The following MARCO variants were observed in gnomAD, a reference collection of about 807,000 sequenced individuals.
MARCO encodes macrophage receptor MARCO.
A neutral mutation model predicts 70.0 loss-of-function variants in MARCO; 72 were observed. The ratio of observed to expected loss-of-function variants is 1.03; its 90% CI spans 0.85 to 1.25. The LOEUF is 1.25. MARCO is among the 50% of genes most tolerant of loss of function. The probability of loss-of-function intolerance (pLI) is 0.00; values close to 1 mark genes in which losing one functional copy is unlikely to be tolerated. For missense variants in MARCO, 696 were observed against 659.3 expected, an observed-to-expected ratio of 1.06 and a Z score of -0.61; for synonymous variants, 273 against 243.1, an observed-to-expected ratio of 1.12 and a Z score of -1.14.
chr2:118,978,215 C>CCTG (rs1490404734), intron 8 of MARCO, among the ~76,000 whole-genome samples: 1 of 152,130 alleles, frequency 6.6e-6, no homozygotes, highest in Non-Finnish European at 1.5e-5. Context: ...GGAGAGTGGG[C>CCTG]CTGCACTGGG....
intron 12 of MARCO, among the ~76,000 whole-genome samples, chr2:118,987,342 T>C (rs962460136): frequency 2.6e-5 from 4 of 152,208 alleles, no homozygotes; most frequent in African/African-American, 9.6e-5. Flanking sequence ...CCTATCAGGA[T>C]GCTGCCTTGA....
intron 1 of MARCO, among the ~76,000 whole-genome samples, chr2:118,945,693 A>G (rs1268345597): frequency 3.0e-4 from 46 of 152,110 alleles, no homozygotes; most frequent in Non-Finnish European, 2.9e-5. Flanking sequence ...AATTACAGGC[A>G]TGAGCCACCT....
chr2:118,966,560 A>G (rs1478884180), intron 1 of MARCO, among the ~76,000 whole-genome samples: 1 of 152,174 alleles, frequency 6.6e-6, no homozygotes, highest in Middle Eastern at 3.2e-3. Context: ...GTAGCTCTGA[A>G]TTTAAAAAGC....
chr2:118,963,116 T>G (rs1679980071), intron 1 of MARCO, among the ~76,000 whole-genome samples: 1 of 151,564 alleles, frequency 6.6e-6, no homozygotes, highest in African/African-American at 2.4e-5. Flanking sequence ...ATTCTTATCT[T>G]TATTATTTCC....
intron 12 of MARCO, among the ~76,000 whole-genome samples, chr2:118,985,885 T>C (rs1176461531): frequency 6.6e-6 from 1 of 152,232 alleles, no homozygotes; most frequent in Non-Finnish European, 1.5e-5. Flanking sequence ...GAATTTTCCA[T>C]GCCCTTTTAT....
chr2:118,994,583 A>T lies in MARCO; in HGVS notation c.*63A>T. On this transcript the variant is annotated 3_prime_UTR_variant, in exon 17 of 17. Coordinates refer to ENST00000327097, the MANE Select transcript of MARCO (RefSeq NM_006770.4). ...CTCGGGCTCATATGTGGGAAGGCAG[A>T]GGATCTCTGAGGAGTTCCCTGGGGA... 8 of 1,480,960 alleles carry T rather than the reference A, an allele frequency of 5.4e-6. No individual in the cohort carries two copies. In the South Asian group the frequency reaches 1.1e-4, roughly 20 times the overall value. The allele number at this position is 1,480,960 out of a possible 1,614,324, so 91.7% of individuals were successfully genotyped here. A position where few individuals can be genotyped will look rare whatever the true frequency, so the allele number is the denominator to read the frequency against.
intron 6 of MARCO, among the ~76,000 whole-genome samples, chr2:118,975,217 TC>T (rs2104586362): frequency 6.6e-6 from 1 of 152,262 alleles, no homozygotes; most frequent in African/African-American, 2.4e-5. Context: ...AACCCAAACA[TC>T]AGTTTTCCAT....
rs1404956016 is a variant in MARCO at position 118,982,169 on chromosome 2, G to A, written c.915G>A (p.Leu305=). Residue 305 remains leucine, a synonymous_variant, in exon 11 of 17, where the codon CTG becomes CTA. Transcript: ENST00000327097. ...CTTTCCTTTCAGGACAACCTGGACT[G>A]CAGGGTGTTCCGGGCCCTCCTGGTG... is the stretch of plus-strand genomic sequence containing the variant. ...GAKGDQGQPG[L]QGVPGPPGAV... The A allele has an allele frequency of 1.2e-6, 2 of 1,611,418 alleles. No individual in the cohort carries two copies. The highest frequency in any genetic ancestry group is 1.7e-6 in the Non-Finnish European group (2 of 1,178,182).
rs1226214684 is a variant in MARCO at position 118,994,563 on chromosome 2, G to A, written c.*43G>A. On this transcript the variant is annotated 3_prime_UTR_variant, in exon 17 of 17. Transcript: ENST00000327097. ...TTCTCTGCTCCCGAGGTGTCCTCGG[G>A]CTCATATGTGGGAAGGCAGAGGATC... 1 of 1,526,102 alleles carries A rather than the reference G, an allele frequency of 6.6e-7. No individual in the cohort carries two copies. Among genetic ancestry groups the A allele is most frequent in the Admixed American group, 2.1e-5 (1 of 47,286 alleles). The allele number at this position is 1,526,102 out of a possible 1,614,324, so 94.5% of individuals were successfully genotyped here. A position where few individuals can be genotyped will look rare whatever the true frequency, so the allele number is the denominator to read the frequency against.
chr2:118,965,789 G>A (rs1003816874), intron 1 of MARCO, among the ~76,000 whole-genome samples: 3 of 152,160 alleles, frequency 2.0e-5, no homozygotes, highest in South Asian at 2.1e-4. Flanking sequence ...CCCTGTCCAC[G>A]TTATTTTGAT....
At chr2:118,953,978 G>C (rs1679778317) in intron 1 of MARCO, among the ~76,000 whole-genome samples, 4 of 152,296 alleles carry the variant, frequency 2.6e-5, no homozygotes, top group Admixed American at 2.6e-4. Context: ...TCAGGAAGGT[G>C]GCCAGAGGAG....
chr2:118,959,616 C>T (rs778604958), intron 1 of MARCO, among the ~76,000 whole-genome samples: 5 of 152,114 alleles, frequency 3.3e-5, no homozygotes, highest in African/African-American at 4.8e-5. Context: ...ACCATTTGAT[C>T]CAGCAATCCT....
chr2:118,983,806 C>T (rs1284048307), intron 12 of MARCO, among the ~76,000 whole-genome samples: 1 of 151,982 alleles, frequency 6.6e-6, no homozygotes, highest in East Asian at 1.9e-4. Flanking sequence ...CACCCTCTGC[C>T]CCCACCCCCA....
intron 1 of MARCO, among the ~76,000 whole-genome samples, chr2:118,968,810 A>G (rs997841776): frequency 1.1e-4 from 17 of 152,238 alleles, no homozygotes; most frequent in Non-Finnish European, 1.8e-4. Flanking sequence ...ATTTAAACAC[A>G]TTAATTCATA....
At chr2:118,967,393 C>T (rs7559955) in intron 1 of MARCO, among the ~76,000 whole-genome samples, 27,983 of 152,034 alleles carry the variant, frequency 0.18, 3,412 homozygotes, top group African/African-American at 0.33. Context: ...TGACATGGAA[C>T]TGCAGCCATA....
Position 118,994,517 on chromosome 2 carries a change from C to G in MARCO, c.1560C>G (p.Val520=). ...HEEDAGVECS[V] ...AGGACGCAGGCGTGGAGTGCAGCGT[C>G]TGACCCGGAAACCCTTTCACTTCTC... Residue 520 remains valine, a synonymous_variant, in exon 17 of 17, where the codon GTC becomes GTG. Coordinates refer to ENST00000327097, the MANE Select transcript of MARCO (RefSeq NM_006770.4). 1 of 1,586,662 alleles carries G rather than the reference C, an allele frequency of 6.3e-7. No homozygotes were observed. The highest frequency in any genetic ancestry group is 1.2e-5 in the South Asian group (1 of 86,524).
rs762791210 is a variant in MARCO, at chr2:118,994,343, A to C, written c.1430-44A>C. Reference sequence around the variant, plus strand: ...CACGTGGCTTCTTTGCTTTGACTCTAATCCTACCCTTCTTCCTCTGTCTCT... The same window carrying C: ...CACGTGGCTTCTTTGCTTTGACTCTCATCCTACCCTTCTTCCTCTGTCTCT... On this transcript the variant is annotated intron_variant, in intron 16 of 16. Transcript: ENST00000327097. 6.2e-6 allele frequency: 10 copies of C among 1,612,564 alleles called. No homozygotes were observed. The Admixed American group carries it at 1.7e-4, about 27-fold the overall frequency.
chr2:118,970,960 G>T (rs1303983658), intron 3 of MARCO, among the ~76,000 whole-genome samples: 3 of 152,180 alleles, frequency 2.0e-5, no homozygotes, highest in African/African-American at 7.2e-5. Context: ...CTGAGGCTTA[G>T]GAGGGTGATC....
In MARCO at chr2:118,982,276, T is replaced by A. The variant is rs775057564; in HGVS notation, c.1000+22T>A. On this transcript the variant is annotated intron_variant, in intron 11 of 16. Coordinates refer to ENST00000327097, the MANE Select transcript of MARCO (RefSeq NM_006770.4). ...GCAGGTGAGGTCCTGGGTCCTATGG[T>A]GGGCACAGGGAGTGATGTGTGAAAA... 7.5e-6 allele frequency: 12 copies of A among 1,610,506 alleles called. No individual in the cohort carries two copies. In the African/African-American group the frequency reaches 1.6e-4, roughly 22 times the overall value.
Sources: gnomAD v4.1 joint callset for allele counts (sites outside exome capture counted in the v4.1 genomes callset) on GRCh38, gnomAD v4.1.1 for gene constraint, MANE v1.5 for transcripts, NCBI Gene and HGNC (gene_info 2026-07-23, HGNC 2026-07-21) for gene names.